ATP9A: variants seen among roughly 807,000 people sequenced by gnomAD.
ATP9A encodes the protein ATPase phospholipid transporting 9A.
Under a neutral mutation model 144.1 loss-of-function variants are expected in ATP9A, and 52 were observed. The observed-to-expected ratio is 0.36, with a 90% CI of 0.29 to 0.45. ATP9A has a LOEUF of 0.45. Ranked by LOEUF, ATP9A falls within the 20% of genes least tolerant of loss-of-function variation. The pLI is 1.00. For missense variants in ATP9A, 947 were observed against 1,392.7 expected (o/e 0.68, Z 5.09); for synonymous variants, 582 against 557.4 (o/e 1.04, Z -0.62).
At chr20:51,722,535 C>T (rs1011654658) in intron 3 of ATP9A, among the ~76,000 whole-genome samples, 2 of 152,106 alleles carry the variant, frequency 1.3e-5, no homozygotes, top group Non-Finnish European at 1.5e-5. Flanking sequence ...GGACTAAGGA[C>T]TTGAATAGAC....
At chr20:51,630,051 T>C (rs762007959) in intron 15 of ATP9A, among the ~76,000 whole-genome samples, 4 of 152,220 alleles carry the variant, frequency 2.6e-5, no homozygotes, top group South Asian at 2.1e-4. Flanking sequence ...GGAGACACTC[T>C]AGGTGTCACA....
chr20:51,763,289 T>C (rs1280690553), intron 1 of ATP9A, among the ~76,000 whole-genome samples: 1 of 151,476 alleles, frequency 6.6e-6, no homozygotes, highest in Admixed American at 6.6e-5. Flanking sequence ...TACACCTGGT[T>C]TTTTTTTAAT....
Position 51,610,098 on chromosome 20 carries a change from T to C in ATP9A, c.2636+3A>G. 6.3e-7 allele frequency: 1 copy of C among 1,587,108 alleles called. No homozygotes were observed. Among genetic ancestry groups the C allele is most frequent in the Non-Finnish European group, 8.7e-7 (1 of 1,155,662 alleles). The stretch of plus-strand genomic sequence containing the variant: ...AATTAATTCCTTGGCAGGATTTCCT[T>C]ACCCAATGATGAGGAATCCTTGATA... On this transcript the variant is annotated splice_donor_region_variant and intron_variant, in intron 24 of 27. Coordinates refer to ENST00000338821, the MANE Select transcript of ATP9A (RefSeq NM_006045.3).
At chr20:51,676,308 C>A (rs1232140630) in intron 9 of ATP9A, 100 bp from the exon 10 acceptor site, 2 of 683,112 alleles carry the variant, frequency 2.9e-6, no homozygotes, top group Non-Finnish European at 4.4e-6. Context: ...AGACTGGGTT[C>A]TTTTTTTTTT....
chr20:51,728,784 T>C (rs2077726846), intron 2 of ATP9A, among the ~76,000 whole-genome samples: 2 of 152,128 alleles, frequency 1.3e-5, no homozygotes, highest in African/African-American at 4.8e-5. Context: ...CAAATTCCAA[T>C]TGACCTTGAA....
At chr20:51,712,863 G>T in intron 4 of ATP9A, 103 bp downstream of exon 4, 1 of 993,228 alleles carries the variant, frequency 1.0e-6, no homozygotes, top group Non-Finnish European at 1.5e-6. Context: ...TCCGCCACGT[G>T]GCATTCCCAC....
chr20:51,704,494 A>C (rs1338635601), intron 4 of ATP9A, among the ~76,000 whole-genome samples: 2 of 152,158 alleles, frequency 1.3e-5, no homozygotes, highest in Non-Finnish European at 2.9e-5. Flanking sequence ...ATAACTTTAT[A>C]TCTGGGCGGG....
chr20:51,633,053 G>A (rs1206319793), intron 15 of ATP9A, among the ~76,000 whole-genome samples: 1 of 152,152 alleles, frequency 6.6e-6, no homozygotes, highest in African/African-American at 2.4e-5. Flanking sequence ...GAACCCAGGA[G>A]GCGGAGGTTG....
chr20:51,603,777 T>C (rs1282336923), intron 27 of ATP9A, among the ~76,000 whole-genome samples: 1 of 151,714 alleles, frequency 6.6e-6, no homozygotes, highest in East Asian at 1.9e-4. Context: ...TTTTATTATT[T>C]ATTTATTTAT....
chr20:51,675,951 CTG>C (rs1257529979), intron 10 of ATP9A, among the ~76,000 whole-genome samples, 179 bp downstream of exon 10: 3 of 150,450 alleles, frequency 2.0e-5, no homozygotes, highest in Non-Finnish European at 2.9e-5. Flanking sequence ...TATTTACGTA[CTG>C]TATTATATAT....
At chr20:51,630,717 G>A (rs1271866239) in intron 15 of ATP9A, among the ~76,000 whole-genome samples, 1 of 152,050 alleles carries the variant, frequency 6.6e-6, no homozygotes, top group Non-Finnish European at 1.5e-5. Context: ...AAAAGTGACT[G>A]CATCTCAGGT....
chr20:51,741,018 TA>T (rs2077782678), intron 1 of ATP9A, among the ~76,000 whole-genome samples: 1 of 151,944 alleles, frequency 6.6e-6, no homozygotes, highest in African/African-American at 2.4e-5. Context: ...TTCAATTAAT[TA>T]AAATTAAATT....
At position 51,657,302 on chromosome 20, in the gene ATP9A, C is replaced by T. The variant is rs945447993; in HGVS notation, c.1294-152G>A. On this transcript the variant is annotated intron_variant, in intron 13 of 27. Coordinates refer to ENST00000338821, the MANE Select transcript of ATP9A (RefSeq NM_006045.3). Reference sequence around the variant, plus strand: ...CTACAATGATGCTGCAAATAAATGACATGCAATTTTCAGGGTTTGTCATTT... The same window carrying T: ...CTACAATGATGCTGCAAATAAATGATATGCAATTTTCAGGGTTTGTCATTT... The T allele has an allele frequency of 5.1e-6, 3 of 585,112 alleles. No individual in the cohort carries two copies. In the African/African-American group the frequency reaches 5.7e-5, roughly 11 times the overall value. 36.2% of individuals were successfully genotyped at this position (585,112 alleles called of 1,614,324 possible). A position where few individuals can be genotyped will look rare whatever the true frequency, so the allele number is the denominator to read the frequency against.
chr20:51,763,535 G>C (rs528524406), intron 1 of ATP9A, among the ~76,000 whole-genome samples: 1 of 151,738 alleles, frequency 6.6e-6, no homozygotes, highest in Non-Finnish European at 1.5e-5. Context: ...GGATGGTCTG[G>C]ATCTCCTGAC....
At position 51,598,370 on chromosome 20, in the gene ATP9A, A is replaced by T. The variant is rs2077128151; in HGVS notation, c.*2841T>A. 6.6e-6 allele frequency: 1 copy of T among 152,110 alleles called. No individual in the cohort carries two copies. Among genetic ancestry groups the T allele is most frequent in the Admixed American group, 6.6e-5 (1 of 15,266 alleles). 9.4% of individuals were successfully genotyped at this position (152,110 alleles called of 1,614,324 possible). ...GGAGCTGTGAGTTTTGCTTTCAGGA[A>T]AAGTGTTCAAACAGTGCTGACTGTG... On this transcript the variant is annotated 3_prime_UTR_variant, in exon 28 of 28. Coordinates refer to ENST00000338821, the MANE Select transcript of ATP9A (RefSeq NM_006045.3).
chr20:51,718,471 G>T (rs1035078358), intron 3 of ATP9A, among the ~76,000 whole-genome samples: 1 of 151,890 alleles, frequency 6.6e-6, no homozygotes, highest in Non-Finnish European at 1.5e-5. Flanking sequence ...AACAGGAGCA[G>T]CTTTGGAGGA....
chr20:51,648,476 T>A (rs1011227776), intron 14 of ATP9A, among the ~76,000 whole-genome samples: 12 of 152,168 alleles, frequency 7.9e-5, no homozygotes, highest in Non-Finnish European at 1.6e-4. Flanking sequence ...GTGGTAAGCT[T>A]GGGAGATAGA....
chr20:51,729,494 C>T (rs562157505), intron 2 of ATP9A, among the ~76,000 whole-genome samples: 4 of 152,318 alleles, frequency 2.6e-5, no homozygotes, highest in Admixed American at 2.6e-4. Flanking sequence ...TCTGTAATCC[C>T]AGCACTTTGA....
At chr20:51,767,073 CT>C (rs10574254) in intron 1 of ATP9A, among the ~76,000 whole-genome samples, 38,643 of 140,310 alleles carry the variant, frequency 0.28, 5,783 homozygotes, top group East Asian at 0.51. Flanking sequence ...CAGCACCATT[CT>C]TTTTTTTTTT....
Sources: gnomAD v4.1 joint callset for allele counts (sites outside exome capture counted in the v4.1 genomes callset) on GRCh38, gnomAD v4.1.1 for gene constraint, MANE v1.5 for transcripts, NCBI Gene and HGNC (gene_info 2026-07-23, HGNC 2026-07-21) for gene names.